The following DACH2 variants were observed in gnomAD, a reference collection of about 807,000 sequenced individuals.
The protein encoded by DACH2 is dachshund family transcription factor 2.
DACH2 carries 17 observed loss-of-function variants against 35.8 expected under a neutral mutation model. The ratio of observed to expected loss-of-function variants is 0.48; its 90% CI spans 0.33 to 0.71. The LOEUF (loss-of-function observed/expected upper bound fraction) is 0.71. DACH2 is among the 30% of genes least tolerant of loss of function. DACH2 has a pLI of 0.02. For missense variants in DACH2, 469 were observed against 472.7 expected, an observed-to-expected ratio of 0.99 and a Z score of 0.07; for synonymous variants, 195 against 177.3, an observed-to-expected ratio of 1.10 and a Z score of -0.79.
intron 4 of DACH2, among the ~76,000 whole-genome samples, chrX:86,677,483 G>A (rs1177589098): frequency 8.9e-6 from 1 of 111,927 alleles, no homozygotes; most frequent in African/African-American, 3.2e-5. Flanking sequence ...CCACAATTAC[G>A]GTAAAATGGG....
chrX:86,451,647 C>T (rs2037379788), intron 2 of DACH2, among the ~76,000 whole-genome samples: 1 of 111,210 alleles, frequency 9.0e-6, no homozygotes, highest in Non-Finnish European at 1.9e-5. Flanking sequence ...TTACTTTGGG[C>T]AGTTTGGCCA....
At chrX:86,729,261 G>C (rs1371865766) in intron 6 of DACH2, among the ~76,000 whole-genome samples, 1 of 112,224 alleles carries the variant, frequency 8.9e-6, no homozygotes, top group African/African-American at 3.2e-5. Context: ...CTGCCCTGCA[G>C]GGTTTTGAAC....
At chrX:86,401,458 C>A (rs1287340262) in intron 2 of DACH2, among the ~76,000 whole-genome samples, 3 of 112,066 alleles carry the variant, frequency 2.7e-5, no homozygotes, top group Non-Finnish European at 3.8e-5. Flanking sequence ...AATCACCCGT[C>A]TTCTGTGTCG....
At chrX:86,579,774 T>C in intron 3 of DACH2, among the ~76,000 whole-genome samples, 1 of 112,557 alleles carries the variant, frequency 8.9e-6, no homozygotes, top group East Asian at 2.8e-4. Flanking sequence ...CCTGTTGGCA[T>C]ATAGCTTGCA....
chrX:86,250,180 C>T (rs191112765), intron 1 of DACH2, among the ~76,000 whole-genome samples: 12 of 111,435 alleles, frequency 1.1e-4, no homozygotes, highest in African/African-American at 3.9e-4. Flanking sequence ...AACAAACTTG[C>T]ACATGTACTT....
chrX:86,431,728 G>A (rs754292706), intron 2 of DACH2, among the ~76,000 whole-genome samples: 15 of 111,386 alleles, frequency 1.3e-4, no homozygotes, highest in Non-Finnish European at 2.6e-4. Context: ...TAAAATTTAA[G>A]GTTCTGAATA....
chrX:86,787,746 T>C (rs993468459), intron 7 of DACH2, among the ~76,000 whole-genome samples: 1 of 110,332 alleles, frequency 9.1e-6, no homozygotes, highest in African/African-American at 3.4e-5. Flanking sequence ...AACACTGTAA[T>C]GCAACTTGTT....
At chrX:86,180,953 G>A (rs2031468110) in intron 1 of DACH2, among the ~76,000 whole-genome samples, 1 of 110,576 alleles carries the variant, frequency 9.0e-6, no homozygotes, top group Admixed American at 9.7e-5. Context: ...AAATTCCAAA[G>A]GGCCAAGTTA....
At chrX:86,689,005 CCT>C (rs2040979950) in intron 4 of DACH2, among the ~76,000 whole-genome samples, 1 of 111,375 alleles carries the variant, frequency 9.0e-6, no homozygotes, top group Non-Finnish European at 1.9e-5. Context: ...CAAGTGCAGC[CCT>C]AGAGGCTCAT....
At chrX:86,508,046 G>A (rs1391202480) in intron 2 of DACH2, among the ~76,000 whole-genome samples, 1 of 111,587 alleles carries the variant, frequency 9.0e-6, no homozygotes, top group African/African-American at 3.3e-5. Flanking sequence ...AACAGGAGAA[G>A]GGTGGAAAGT....
intron 7 of DACH2, among the ~76,000 whole-genome samples, chrX:86,806,649 T>A (rs964983340): frequency 7.1e-5 from 8 of 112,123 alleles, no homozygotes. Context: ...GAAACAAAGT[T>A]TTTATTGTAT....
At chrX:86,379,999 C>T (rs966638415) in intron 2 of DACH2, among the ~76,000 whole-genome samples, 3 of 110,536 alleles carry the variant, frequency 2.7e-5, no homozygotes, top group Non-Finnish European at 3.8e-5. Context: ...GGTTAATCCT[C>T]AAAGGTAGAG....
At chrX:86,650,194 C>A (rs779173427) in intron 3 of DACH2, among the ~76,000 whole-genome samples, 3 of 110,666 alleles carry the variant, frequency 2.7e-5, no homozygotes, top group South Asian at 7.7e-4. Flanking sequence ...CACACCCCAC[C>A]TTTTTATACC....
chrX:86,457,303 A>G (rs958198488), intron 2 of DACH2, among the ~76,000 whole-genome samples: 2 of 112,006 alleles, frequency 1.8e-5, no homozygotes, highest in African/African-American at 6.5e-5. Flanking sequence ...CCAGAGTGTT[A>G]CATAACCTAT....
At chrX:86,165,455 G>A (rs935565616) in intron 1 of DACH2, among the ~76,000 whole-genome samples, 3 of 111,189 alleles carry the variant, frequency 2.7e-5, no homozygotes, top group Non-Finnish European at 3.8e-5. Context: ...AACAATGTAC[G>A]AAGGTCCCCT....
intron 2 of DACH2, among the ~76,000 whole-genome samples, chrX:86,396,301 T>A (rs1233731762): frequency 3.0e-5 from 3 of 100,047 alleles, no homozygotes; most frequent in Non-Finnish European, 6.1e-5. Context: ...CTTTGTCAGA[T>A]GAGTAGGTTG....
chrX:86,309,997 G>T (rs2034765339), intron 1 of DACH2, among the ~76,000 whole-genome samples: 1 of 112,416 alleles, frequency 8.9e-6, no homozygotes, highest in African/African-American at 3.2e-5. Context: ...TAGGGATGCT[G>T]TTTGGAGCCC....
At chrX:86,194,784 G>A (rs1020941527) in intron 1 of DACH2, among the ~76,000 whole-genome samples, 3 of 112,567 alleles carry the variant, frequency 2.7e-5, no homozygotes, top group African/African-American at 6.4e-5. Flanking sequence ...ATGGCCACCC[G>A]CTAAGCTTGA....
At chrX:86,349,982 C>T (rs920866928) in intron 1 of DACH2, among the ~76,000 whole-genome samples, 3 of 111,201 alleles carry the variant, frequency 2.7e-5, no homozygotes, top group African/African-American at 9.8e-5. Flanking sequence ...CCTGGCCAAC[C>T]TGGTGAAACC....
Sources: gnomAD v4.1 joint callset for allele counts (sites outside exome capture counted in the v4.1 genomes callset) on GRCh38, gnomAD v4.1.1 for gene constraint, MANE v1.5 for transcripts, NCBI Gene and HGNC (gene_info 2026-07-23, HGNC 2026-07-21) for gene names.